Variants in CAPN11 observed in about 807,000 individuals in gnomAD.
The protein encoded by CAPN11 is calpain-11.
In CAPN11, 108 loss-of-function variants were observed where a neutral mutation model predicts 105.3. That is an observed-to-expected ratio of 1.03 (90% CI 0.88 to 1.20). CAPN11 has a LOEUF of 1.20. CAPN11 is among the 50% of genes most tolerant of loss of function. The pLI, the probability that CAPN11 is intolerant of heterozygous loss-of-function variation, is 0.00. For synonymous variants in CAPN11, 329 were observed against 344.5 expected, an observed-to-expected ratio of 0.96 and a Z score of 0.50; for missense variants, 883 against 924.8, an observed-to-expected ratio of 0.95 and a Z score of 0.59.
chr6:44,180,335 G>T, intron 14 of CAPN11, 125 bp from the exon 15 acceptor site: 1 of 977,818 alleles, frequency 1.0e-6, no homozygotes, highest in Non-Finnish European at 1.6e-6. Context: ...ACTAGAACTA[G>T]AACCCATATT....
At chr6:44,165,501 C>T (rs900090775) in intron 1 of CAPN11, among the ~76,000 whole-genome samples, 8 of 152,140 alleles carry the variant, frequency 5.3e-5, no homozygotes, top group Non-Finnish European at 1.0e-4. Context: ...GCCCCTATCG[C>T]GGGCTGTGTG....
chr6:44,177,644 G>A (rs928323964), intron 12 of CAPN11: 35 of 522,862 alleles, frequency 6.7e-5, no homozygotes, highest in Non-Finnish European at 9.9e-5. Context: ...GCACCACCAT[G>A]CCCAGCTAAT....
chr6:44,183,572 A>G (rs1774129708), intron 21 of CAPN11, 133 bp from the exon 22 acceptor site: 2 of 827,230 alleles, frequency 2.4e-6, no homozygotes, highest in African/African-American at 1.7e-5. Context: ...TTAATTCCCC[A>G]CTTGGCTAGG....
At position 44,158,880 on chromosome 6, in the gene CAPN11, GC is replaced by G; in HGVS notation, c.16+18del. ...TACTCCCCAGGTAGGCACTCATGGGGCCTTGCCCCACTCCTGTACCTCCTGC... is the reference window on the plus strand; with the variant it reads ...TACTCCCCAGGTAGGCACTCATGGGGCTTGCCCCACTCCTGTACCTCCTGC... On this transcript the variant is annotated intron_variant, in intron 1 of 22. Transcript: ENST00000398776. The G allele has an allele frequency of 6.4e-7, 1 of 1,550,894 alleles. No individual in the cohort carries two copies. The highest frequency in any genetic ancestry group is 8.7e-7 in the Non-Finnish European group (1 of 1,146,384).
At chr6:44,183,072 C>T in intron 20 of CAPN11, 47 bp from the exon 21 acceptor site, 8 of 1,593,636 alleles carry the variant, frequency 5.0e-6, no homozygotes, top group Non-Finnish European at 6.9e-6. Context: ...TGGCAGTGTC[C>T]AGAGGCCCAG....
intron 3 of CAPN11, 66 bp downstream of exon 3, chr6:44,169,597 T>C: frequency 7.0e-7 from 1 of 1,428,742 alleles, no homozygotes. Context: ...CCTCTATCAC[T>C]TTTAGAATCT....
chr6:44,166,813 T>G lies in CAPN11; in HGVS notation c.72T>G (p.Pro24=). Residue 24 remains proline (P), a synonymous_variant, in exon 2 of 23, where the codon CCT becomes CCG. Coordinates refer to ENST00000398776, the MANE Select transcript of CAPN11 (RefSeq NM_007058.4). The stretch of plus-strand genomic sequence containing the variant: ...TGGATGGATCACAGGAGGATAAGCC[T>G]CGGGGCTCATGTGCGGGTAGGACTG... The part of the protein sequence containing the change: ...ESLDGSQEDK[P]RGSCAEPTFT... The G allele has an allele frequency of 1.3e-6, 2 of 1,551,848 alleles. No individual in the cohort carries two copies. Among genetic ancestry groups the G allele is most frequent in the South Asian group, 2.4e-5 (2 of 84,068 alleles).
Position 44,168,832 on chromosome 6 carries a change from G to C in CAPN11, c.89-449G>C, listed in dbSNP as rs899211363. 9 of 340,186 alleles carry C rather than the reference G, an allele frequency of 2.6e-5. 1 individual carries two copies. The Admixed American group carries it at 3.2e-4, about 12-fold the overall frequency. 21.1% of individuals were successfully genotyped at this position (340,186 alleles called of 1,614,324 possible). ...GACAGGGTTTCGCCATGTTGGGCAGGCTGGTCTCGAACTCCTGACCTCAGG... is the reference window on the plus strand; with the variant it reads ...GACAGGGTTTCGCCATGTTGGGCAGCCTGGTCTCGAACTCCTGACCTCAGG... On this transcript the variant is annotated intron_variant, in intron 2 of 22. Coordinates refer to ENST00000398776, the MANE Select transcript of CAPN11 (RefSeq NM_007058.4).
At chr6:44,176,193 A>AGGAGAACGTCTCCCTGACC (rs1554131301) in intron 8 of CAPN11, 42 bp downstream of exon 8, 8 of 1,593,526 alleles carry the variant, frequency 5.0e-6, no homozygotes, top group Non-Finnish European at 6.0e-6. Context: ...GACCCTGAGA[A>AGGAGAACGTCTCCCTGACC]GGAGGAGAAC....
chr6:44,172,561 C>T (rs1771195251), intron 5 of CAPN11, 141 bp downstream of exon 5: 2 of 598,468 alleles, frequency 3.3e-6, no homozygotes, highest in Non-Finnish European at 2.9e-6. Flanking sequence ...GAAATATCTG[C>T]CCACCAAAGA....
chr6:44,169,455 A>G lies in CAPN11; in HGVS notation c.263A>G (p.Glu88Gly). 1 of 1,612,072 alleles carries G rather than the reference A, an allele frequency of 6.2e-7. No homozygotes were observed. The highest frequency in any genetic ancestry group is 8.5e-7 in the Non-Finnish European group (1 of 1,179,154). Residue 88 changes from glutamate (E) to glycine (G), a missense_variant, in exon 3 of 23, where the codon GAA (glutamate) becomes GGA (glycine). Glu to Gly is a moderately conservative substitution (Grantham distance 98). Coordinates refer to ENST00000398776, the MANE Select transcript of CAPN11 (RefSeq NM_007058.4). ...TTCGAGGACCCCTTATTCCCTGCTG[A>G]ACCCAGCTCACTGGGCTTCAAGGAC... ...ELFEDPLFPA[E>G]PSSLGFKDLG... is the part of the protein sequence containing the mutation.
In CAPN11 at chr6:44,176,859, G is replaced by A. The variant is rs775389566; in HGVS notation, c.1098G>A (p.Leu366=). ...ACAGGATGTCCTACCAAGATTTCCT[G>A]AACAACTTCACGCTCCTGGAGATCT... The part of the protein sequence containing the change: ...GEFWMSYQDF[L]NNFTLLEICN... The change falls in exon 11 of 23, where the codon CTG becomes CTA. Residue 366 remains leucine (L), a synonymous_variant. Coordinates refer to ENST00000398776, the MANE Select transcript of CAPN11 (RefSeq NM_007058.4). 3 of 1,613,884 alleles carry A rather than the reference G, an allele frequency of 1.9e-6. No homozygotes were observed. Among genetic ancestry groups the A allele is most frequent in the Admixed American group, 3.3e-5 (2 of 60,002 alleles).
Position 44,180,050 on chromosome 6 carries a change from C to A in CAPN11, c.1527C>A (p.Ser509Arg), listed in dbSNP as rs1772865554. 1 of 1,612,342 alleles carries A rather than the reference C, an allele frequency of 6.2e-7. No homozygotes were observed. The highest frequency in any genetic ancestry group is 8.5e-7 in the Non-Finnish European group (1 of 1,178,504). ...SEIFTNSREV[S>R]SQLRLPPGEY... is the part of the protein sequence containing the mutation. The stretch of plus-strand genomic sequence containing the variant: ...TCTTCACCAACTCACGGGAGGTGAG[C>A]AGCCAACTCCGGCTGCCTCCGGGGG... The change falls in exon 14 of 23, where the codon AGC becomes AGA. Residue 509 changes from serine (S) to arginine (R), a missense_variant. Coordinates refer to ENST00000398776, the MANE Select transcript of CAPN11 (RefSeq NM_007058.4).
At position 44,176,236 on chromosome 6, in the gene CAPN11, C is replaced by T. The variant is rs1488183744; in HGVS notation, c.916-17C>T. The T allele has an allele frequency of 1.2e-6, 2 of 1,612,938 alleles. No individual in the cohort carries two copies. The highest frequency in any genetic ancestry group is 2.2e-5 in the East Asian group (1 of 44,870). ...TGACCCCATAACTCTGACCTTTAAC[C>T]ACCCCCGCCCACCCAGGTCCACTAC... On this transcript the variant is annotated splice_polypyrimidine_tract_variant and intron_variant, in intron 8 of 22. Transcript: ENST00000398776.
chr6:44,177,419 C>G lies in CAPN11; in HGVS notation c.1415C>G (p.Ala472Gly). The stretch of plus-strand genomic sequence containing the variant: ...CAGACCATTGGCTTTGTCCTCTACG[C>G]GGTGGGTGCCTGGCTGGTCTCGCCC... The part of the protein sequence containing the change: ...QLQTIGFVLY[A>G]VPKEFQNIQD... Residue 472 changes from alanine to glycine, a missense_variant and splice_region_variant, in exon 12 of 23, where the codon GCG (alanine) becomes GGG (glycine). By Grantham distance (60) the Ala-to-Gly change is moderately conservative. Coordinates refer to ENST00000398776, the MANE Select transcript of CAPN11 (RefSeq NM_007058.4). 6.2e-7 allele frequency: 1 copy of G among 1,607,982 alleles called. No homozygotes were observed. Among genetic ancestry groups the G allele is most frequent in the Non-Finnish European group, 8.5e-7 (1 of 1,176,142 alleles).
chr6:44,161,508 T>G (rs1768800827), intron 1 of CAPN11, among the ~76,000 whole-genome samples: 1 of 152,286 alleles, frequency 6.6e-6, no homozygotes, highest in East Asian at 1.9e-4. Flanking sequence ...CTTAAAGACA[T>G]TTTCCATGAC....
chr6:44,182,256 A>ACT (rs199917737), intron 19 of CAPN11, among the ~76,000 whole-genome samples: 46 of 140,290 alleles, frequency 3.3e-4, no homozygotes, highest in Non-Finnish European at 5.8e-4. Context: ...ACCACACCAC[A>ACT]CACACACACA....
intron 2 of CAPN11, chr6:44,168,920 C>T (rs1561841758): frequency 6.8e-6 from 3 of 443,110 alleles, no homozygotes; most frequent in East Asian, 7.1e-5. Context: ...CACACCCAGC[C>T]TATTTATTTA....
chr6:44,161,504 G>A (rs1276780934), intron 1 of CAPN11, among the ~76,000 whole-genome samples: 2 of 152,290 alleles, frequency 1.3e-5, no homozygotes, highest in African/African-American at 2.4e-5. Context: ...CCAACTTAAA[G>A]ACATTTTCCA....
Sources: allele counts gnomAD v4.1 joint callset (sites outside exome capture counted in the v4.1 genomes callset), GRCh38; gene constraint gnomAD v4.1.1; transcripts MANE v1.5; gene names NCBI Gene and HGNC (gene_info 2026-07-23, HGNC 2026-07-21).